ADGRL1: variants seen among roughly 807,000 people sequenced by gnomAD.
ADGRL1 encodes CIRL-1.
In ADGRL1, 31 loss-of-function variants were observed where a neutral mutation model predicts 148.9. The ratio of observed to expected loss-of-function variants is 0.21; its 90% CI spans 0.16 to 0.28. ADGRL1 has a LOEUF of 0.28. Ranked by LOEUF, ADGRL1 falls within the 10% of genes least tolerant of loss-of-function variation. ADGRL1 has a pLI of 1.00. For missense variants in ADGRL1, 1,521 were observed against 2,058.8 expected (o/e 0.74, Z 5.05); for synonymous variants, 937 against 900.3 (o/e 1.04, Z -0.73).
At chr19:14,163,619 G>A (rs997845263) in intron 4 of ADGRL1, among the ~76,000 whole-genome samples, 3 of 152,034 alleles carry the variant, frequency 2.0e-5, no homozygotes, top group East Asian at 1.9e-4. Context: ...GCTGGGACCC[G>A]ACCCCCTCCC....
At position 14,147,763 on chromosome 19, in the gene ADGRL1, TTTA is replaced by T. The variant is rs767261240; in HGVS notation, c.*3107_*3109del. 2 of 152,406 alleles carry T rather than the reference TTTA, an allele frequency of 1.3e-5. No individual in the cohort carries two copies. The highest frequency in any genetic ancestry group is 2.9e-5 in the Non-Finnish European group (2 of 68,040). The allele number at this position is 152,406 out of a possible 1,614,324, so 9.4% of individuals were successfully genotyped here. On this transcript the variant is annotated 3_prime_UTR_variant, in exon 23 of 23. Transcript: ENST00000361434. The stretch of plus-strand genomic sequence containing the variant: ...TGTCATTCCAAGAAATCTTAATTTC[TTTA>T]TTGTTTGACTTTTTGACTCAACAAT...
chr19:14,163,907 G>T (rs1003157529), intron 4 of ADGRL1, among the ~76,000 whole-genome samples: 2 of 151,794 alleles, frequency 1.3e-5, no homozygotes, highest in African/African-American at 2.4e-5. Context: ...AAGAGCTAGG[G>T]TCCAGGATCC....
chr19:14,163,498 G>GAGAGA (rs1491250499), intron 4 of ADGRL1, 92 bp from the exon 5 acceptor site: 38 of 948,708 alleles, frequency 4.0e-5, no homozygotes, highest in African/African-American at 1.9e-4. Context: ...GAGAGAGAGA[G>GAGAGA]GGGGGAGAGA....
rs776994937 is a variant in ADGRL1 at position 14,159,813 on chromosome 19, G to C, written c.1801-40C>G. 5 of 1,575,428 alleles carry C rather than the reference G, an allele frequency of 3.2e-6. No individual in the cohort carries two copies. In the African/African-American group the frequency reaches 6.7e-5, roughly 21 times the overall value. ...AGGTGATGTCAGGCCAGGCCTCTGGGTGCCGGTTCCCTCACCCTAATACTG... is the reference window on the plus strand; with the variant it reads ...AGGTGATGTCAGGCCAGGCCTCTGGCTGCCGGTTCCCTCACCCTAATACTG... On this transcript the variant is annotated intron_variant, in intron 8 of 22. Transcript: ENST00000361434. The surrounding 1 kb of genome is among the most constrained non-coding windows in gnomAD (Gnocchi z 6.0).
chr19:14,185,638 T>G (rs1389364701), intron 1 of ADGRL1, among the ~76,000 whole-genome samples: 1 of 152,192 alleles, frequency 6.6e-6, no homozygotes, highest in Admixed American at 6.5e-5. Context: ...TGGGAACCCC[T>G]GCTCTGTCAT....
At chr19:14,189,121 C>T (rs1410474106) in intron 1 of ADGRL1, among the ~76,000 whole-genome samples, 1 of 152,160 alleles carries the variant, frequency 6.6e-6, no homozygotes, top group Non-Finnish European at 1.5e-5. Flanking sequence ...CTCCCCTTGT[C>T]GCCCAGCCCT....
chr19:14,183,219 G>GAGAGAGAGAGAC (rs1555790262), intron 2 of ADGRL1, among the ~76,000 whole-genome samples: 15 of 150,994 alleles, frequency 9.9e-5, no homozygotes, highest in African/African-American at 2.9e-4. Flanking sequence ...GAGAGAGAGC[G>GAGAGAGAGAGAC]AGAGAGAGAC....
Position 14,152,639 on chromosome 19 carries a change from G to A in ADGRL1, c.3424-26C>T, listed in dbSNP as rs944498636. On this transcript the variant is annotated intron_variant, in intron 19 of 22. Coordinates refer to ENST00000361434, the MANE Select transcript of ADGRL1 (RefSeq NM_014921.5). The surrounding 1 kb of genome is among the most constrained non-coding windows in gnomAD (Gnocchi z 6.1). ...CTGGGAACACAACCCAAATGTGAGG[G>A]GATCCTTGGGCCACCCACCCTCTGG... The A allele has an allele frequency of 6.2e-7, 1 of 1,609,242 alleles. No individual in the cohort carries two copies. The highest frequency in any genetic ancestry group is 8.5e-7 in the Non-Finnish European group (1 of 1,176,064).
At chr19:14,180,400 C>T (rs369529369) in intron 2 of ADGRL1, among the ~76,000 whole-genome samples, 12 of 152,218 alleles carry the variant, frequency 7.9e-5, no homozygotes, top group Admixed American at 6.5e-4. Flanking sequence ...GGATTACAGG[C>T]GCCTGCCACC....
chr19:14,194,522 T>C (rs1972136985), intron 1 of ADGRL1, among the ~76,000 whole-genome samples: 1 of 152,184 alleles, frequency 6.6e-6, no homozygotes, highest in Non-Finnish European at 1.5e-5. Context: ...GTAATCCTAA[T>C]AACCATTTAG....
intron 1 of ADGRL1, among the ~76,000 whole-genome samples, chr19:14,192,304 G>T (rs559817013): frequency 6.6e-6 from 1 of 151,876 alleles, no homozygotes; most frequent in Admixed American, 6.6e-5. Context: ...GCAGTGGCGC[G>T]ATCTCGGCTC....
intron 4 of ADGRL1, among the ~76,000 whole-genome samples, chr19:14,165,577 C>T (rs1029129552): frequency 1.3e-5 from 2 of 152,138 alleles, no homozygotes; most frequent in South Asian, 2.1e-4. Context: ...TCCCTTGCCC[C>T]GTCACCCCAC....
rs1568581655 is a variant in ADGRL1 at position 14,161,275 on chromosome 19, C to A, written c.1510+37G>T. ...CTGTGCTAAGCTGCTGGGGGCATGG[C>A]CCCCATCCCTCCCCTGGCTGCAGCC... On this transcript the variant is annotated intron_variant, in intron 6 of 22. Transcript: ENST00000361434. The surrounding 1 kb of genome is among the most constrained non-coding windows in gnomAD (Gnocchi z 4.4). The A allele has an allele frequency of 3.3e-6, 5 of 1,509,246 alleles. No homozygotes were observed. In the Admixed American group the frequency reaches 1.1e-4, roughly 34 times the overall value. 93.5% of individuals were successfully genotyped at this position (1,509,246 alleles called of 1,614,324 possible).
chr19:14,191,082 G>A (rs1478303555), intron 1 of ADGRL1: 12 of 452,008 alleles, frequency 2.7e-5, no homozygotes, highest in African/African-American at 6.0e-5. Flanking sequence ...GCAAGACTCC[G>A]TCTCAAAACA....
chr19:14,188,517 G>A (rs1971727419), intron 1 of ADGRL1, among the ~76,000 whole-genome samples: 1 of 152,062 alleles, frequency 6.6e-6, no homozygotes, highest in Admixed American at 6.6e-5. Flanking sequence ...CCCTACATCA[G>A]TGCACGGTGC....
At position 14,161,423 on chromosome 19, in the gene ADGRL1, G is replaced by C; in HGVS notation, c.1399C>G (p.Leu467Val). 3.3e-6 allele frequency: 5 copies of C among 1,527,258 alleles called. No individual in the cohort carries two copies. The highest frequency in any genetic ancestry group is 1.3e-5 in the South Asian group (1 of 79,530). 94.6% of individuals were successfully genotyped at this position (1,527,258 alleles called of 1,614,324 possible). ...CAGAAGAGCTCAGGGGACACGTGTA[G>C]ATTCGGGGCTGGGGGCCGCCGGGTG... ...PSTRRPPAPN[L>V]HVSPELFCEP... Residue 467 changes from leucine (L) to valine (V), a missense_variant, in exon 6 of 23, where the codon CTA (leucine) becomes GTA (valine). Coordinates refer to ENST00000361434, the MANE Select transcript of ADGRL1 (RefSeq NM_014921.5). This position sits in a 1 kb window ranked among gnomAD's most constrained non-coding sequence, Gnocchi z 4.4.
At chr19:14,198,188 G>T (rs189371284) in intron 1 of ADGRL1, among the ~76,000 whole-genome samples, 95 of 152,158 alleles carry the variant, frequency 6.2e-4, no homozygotes, top group Non-Finnish European at 1.2e-3. Flanking sequence ...GGGTCACAGA[G>T]GCCATACAGG....
intron 1 of ADGRL1, among the ~76,000 whole-genome samples, chr19:14,204,047 G>A (rs1972795338): frequency 6.6e-6 from 1 of 152,168 alleles, no homozygotes; most frequent in South Asian, 2.1e-4. Flanking sequence ...GTGCACGGGT[G>A]CGATCGCTGC....
intron 2 of ADGRL1, among the ~76,000 whole-genome samples, chr19:14,179,185 AAAAT>A (rs1232270091): frequency 1.3e-5 from 2 of 149,838 alleles, no homozygotes; most frequent in Admixed American, 6.6e-5. Context: ...TTCCATCTCA[AAAAT>A]AAATAAAAAA....
Sources: allele counts gnomAD v4.1 joint callset (sites outside exome capture counted in the v4.1 genomes callset), GRCh38; gene constraint gnomAD v4.1.1; non-coding constraint Gnocchi (gnomAD v3.1); transcripts MANE v1.5; gene names NCBI Gene and HGNC (gene_info 2026-07-23, HGNC 2026-07-21).